The following CACNA1B variants were observed in gnomAD, a reference collection of about 807,000 sequenced individuals.
The protein encoded by CACNA1B is calcium voltage-gated channel subunit alpha1 B.
A neutral mutation model predicts 247.2 loss-of-function variants in CACNA1B; 70 were observed. The ratio of observed to expected loss-of-function variants is 0.28; its 90% CI spans 0.23 to 0.35. CACNA1B has a LOEUF of 0.35. Among genes scored for constraint, CACNA1B ranks in the 10% least tolerant of loss-of-function variants. CACNA1B has a pLI of 1.00. For synonymous variants in CACNA1B, 1,231 were observed against 1,294.4 expected, an observed-to-expected ratio of 0.95 and a Z score of 1.05; for missense variants, 2,367 against 3,197.4, an observed-to-expected ratio of 0.74 and a Z score of 6.26.
intron 40 of CACNA1B, among the ~76,000 whole-genome samples, chr9:138,113,895 C>T (rs554183270): frequency 3.5e-5 from 5 of 140,916 alleles, no homozygotes; most frequent in East Asian, 4.4e-4. Flanking sequence ...TTGTGGGAGA[C>T]GTGAGGGAGC....
chr9:138,079,538 C>T (rs1408572672), intron 36 of CACNA1B, among the ~76,000 whole-genome samples: 1 of 151,948 alleles, frequency 6.6e-6, no homozygotes, highest in African/African-American at 2.4e-5. Flanking sequence ...AGGCCAGGAG[C>T]TCAAGACCAG....
intron 31 of CACNA1B, among the ~76,000 whole-genome samples, chr9:138,068,219 A>G (rs1959996226): frequency 6.6e-6 from 1 of 152,160 alleles, no homozygotes; most frequent in South Asian, 2.1e-4. Context: ...CATGATTAAC[A>G]AGAAGGGAAG....
intron 3 of CACNA1B, among the ~76,000 whole-genome samples, chr9:137,905,023 AT>A (rs1354782208): frequency 6.6e-6 from 1 of 152,202 alleles, no homozygotes; most frequent in Non-Finnish European, 1.5e-5. Flanking sequence ...TCAACATTCA[AT>A]TTTTAAAGTT....
chr9:137,967,323 G>T (rs144959462), intron 10 of CACNA1B, among the ~76,000 whole-genome samples: 1 of 152,164 alleles, frequency 6.6e-6, no homozygotes, highest in East Asian at 1.9e-4. Flanking sequence ...AGCCTTTCCA[G>T]TACTTGCCCT....
chr9:138,079,834 C>T (rs1960462452), intron 36 of CACNA1B, among the ~76,000 whole-genome samples: 1 of 148,614 alleles, frequency 6.7e-6, no homozygotes. Context: ...AAAATTGCGC[C>T]ACTATACTCC....
chr9:138,064,551 C>T (rs1018439937), intron 31 of CACNA1B, among the ~76,000 whole-genome samples: 4 of 152,216 alleles, frequency 2.6e-5, no homozygotes, highest in African/African-American at 9.7e-5. Flanking sequence ...TGGCGCTGCC[C>T]CTCTGTCCTG....
chr9:138,041,778 A>G (rs1223092378), intron 20 of CACNA1B, among the ~76,000 whole-genome samples: 2 of 152,008 alleles, frequency 1.3e-5, no homozygotes, highest in East Asian at 1.9e-4. Flanking sequence ...TATTTTAGAG[A>G]CAATCTCATT....
Position 137,882,548 on chromosome 9 carries a change from G to A in CACNA1B, c.391-196G>A, listed in dbSNP as rs925151318. The stretch of plus-strand genomic sequence containing the variant: ...GTGGTGTCCCCATTAGGGGACATGT[G>A]CAGACAGCAAGCAGGCTCAGTGATG... On this transcript the variant is annotated intron_variant, in intron 2 of 46. Transcript: ENST00000371372. This position sits in a 1 kb window ranked among gnomAD's most constrained non-coding sequence, Gnocchi z 4.0. Among the ~76,000 whole-genome samples, 2 of 152,174 alleles carry A rather than the reference G, an allele frequency of 1.3e-5. No homozygotes were observed. The highest frequency in any genetic ancestry group is 6.5e-5 in the Admixed American group (1 of 15,284).
In CACNA1B at chr9:138,073,615, C is replaced by A; in HGVS notation, c.4791+11C>A. ...GTCCAGTCCTTCAAGGTGGGCCAGG[C>A]GGGGGGCCTCCATGCTTTCTGTCCC... On this transcript the variant is annotated intron_variant, in intron 33 of 46. Transcript: ENST00000371372. This position sits in a 1 kb window ranked among gnomAD's most constrained non-coding sequence, Gnocchi z 6.4. 6.9e-7 allele frequency: 1 copy of A among 1,440,196 alleles called. No homozygotes were observed. Among genetic ancestry groups the A allele is most frequent in the Non-Finnish European group, 9.8e-7 (1 of 1,021,498 alleles). The allele number at this position is 1,440,196 out of a possible 1,614,324, so 89.2% of individuals were successfully genotyped here. A position where few individuals can be genotyped will look rare whatever the true frequency, so the allele number is the denominator to read the frequency against.
In CACNA1B at chr9:138,049,100, C is replaced by T. The variant is rs1219159676; in HGVS notation, c.3604-109C>T. ...CAACTCCCGGGCTTAAGCAGTCTGC[C>T]TGCCTCAGCCTCCCCAAGTGCTGAG... On this transcript the variant is annotated intron_variant, in intron 23 of 46. Coordinates refer to ENST00000371372, the MANE Select transcript of CACNA1B (RefSeq NM_000718.4). The T allele has an allele frequency of 7.6e-5, 58 of 762,212 alleles. 3 individuals are homozygous for T. In the South Asian group the frequency reaches 8.1e-4, roughly 11 times the overall value. The allele number at this position is 762,212 out of a possible 1,614,324, so 47.2% of individuals were successfully genotyped here. A position where few individuals can be genotyped will look rare whatever the true frequency, so the allele number is the denominator to read the frequency against.
chr9:137,918,854 TG>T (rs1242572860), intron 6 of CACNA1B, among the ~76,000 whole-genome samples: 2 of 152,038 alleles, frequency 1.3e-5, no homozygotes, highest in African/African-American at 4.8e-5. Context: ...CCTCCTCGAG[TG>T]GGAGTCGTGT....
intron 41 of CACNA1B, among the ~76,000 whole-genome samples, chr9:138,114,945 T>C (rs1961801881): frequency 6.6e-6 from 1 of 152,204 alleles, no homozygotes; most frequent in Non-Finnish European, 1.5e-5. Flanking sequence ...ATCTTCCCGA[T>C]GTCGTCCTTC....
chr9:138,003,423 A>T (rs997530695), intron 15 of CACNA1B, among the ~76,000 whole-genome samples: 1 of 151,686 alleles, frequency 6.6e-6, no homozygotes, highest in Non-Finnish European at 1.5e-5. Context: ...TACAGGTGTG[A>T]GCCACCACTC....
At chr9:138,025,710 C>T (rs764770244) in intron 20 of CACNA1B, among the ~76,000 whole-genome samples, 17 of 152,282 alleles carry the variant, frequency 1.1e-4, no homozygotes, top group South Asian at 8.3e-4. Context: ...CTCACATGCT[C>T]GGAACAGCCT....
rs199515814 is a variant in CACNA1B at position 138,073,627 on chromosome 9, A to G, written c.4791+23A>G. On this transcript the variant is annotated intron_variant, in intron 33 of 46. Transcript: ENST00000371372. The surrounding 1 kb of genome is among the most constrained non-coding windows in gnomAD (Gnocchi z 6.4). The stretch of plus-strand genomic sequence containing the variant: ...AAGGTGGGCCAGGCGGGGGGCCTCC[A>G]TGCTTTCTGTCCCCTTCCTCCGTCT... The G allele has an allele frequency of 1.4e-5, 19 of 1,316,944 alleles. No homozygotes were observed. The highest frequency in any genetic ancestry group is 2.3e-5 in the East Asian group (1 of 43,500). The allele number at this position is 1,316,944 out of a possible 1,614,324, so 81.6% of individuals were successfully genotyped here. A position where few individuals can be genotyped will look rare whatever the true frequency, so the allele number is the denominator to read the frequency against.
intron 31 of CACNA1B, among the ~76,000 whole-genome samples, chr9:138,064,677 T>C (rs892887596): frequency 6.6e-6 from 1 of 152,212 alleles, no homozygotes; most frequent in African/African-American, 2.4e-5. Context: ...AGGTCAGGGC[T>C]CTTGGTTGCC....
At chr9:137,967,774 C>T (rs1958098225) in intron 10 of CACNA1B, among the ~76,000 whole-genome samples, 1 of 152,212 alleles carries the variant, frequency 6.6e-6, no homozygotes, top group Admixed American at 6.5e-5. Flanking sequence ...TGCTCTCTGT[C>T]TGCCCCTCAA....
intron 15 of CACNA1B, among the ~76,000 whole-genome samples, chr9:137,989,204 A>G (rs1329991916): frequency 6.6e-6 from 1 of 152,240 alleles, no homozygotes; most frequent in Non-Finnish European, 1.5e-5. Flanking sequence ...AAAATTATGA[A>G]AAAAGGCACC....
At chr9:138,117,882 G>A (rs1961926746) in intron 42 of CACNA1B, 64 bp from the exon 43 acceptor site, 2 of 1,364,348 alleles carry the variant, frequency 1.5e-6, no homozygotes, top group East Asian at 5.0e-5. Flanking sequence ...TGAAGCACCA[G>A]GCTATTGGTA....
Sources: gnomAD v4.1 joint callset for allele counts (sites outside exome capture counted in the v4.1 genomes callset) on GRCh38, gnomAD v4.1.1 for gene constraint, Gnocchi (gnomAD v3.1) non-coding constraint, MANE v1.5 for transcripts, NCBI Gene and HGNC (gene_info 2026-07-23, HGNC 2026-07-21) for gene names.